Variants in NTNG1 observed in about 807,000 individuals in gnomAD.
NTNG1 encodes the protein netrin G1, also known as netrin-G1.
Under a neutral mutation model 54.0 loss-of-function variants are expected in NTNG1, and 16 were observed. That is an observed-to-expected ratio of 0.30 (90% confidence interval 0.20 to 0.45). The LOEUF (loss-of-function observed/expected upper bound fraction) is 0.45, where lower values mean the gene tolerates loss of function less well. Among genes scored for constraint, NTNG1 ranks in the 20% least tolerant of loss-of-function variants. The pLI is 1.00. For synonymous variants in NTNG1, 255 were observed against 263.1 expected, an observed-to-expected ratio of 0.97 and a Z score of 0.30; for missense variants, 530 against 678.7, an observed-to-expected ratio of 0.78 and a Z score of 2.43.
intron 7 of NTNG1, among the ~76,000 whole-genome samples, chr1:107,455,247 G>A (rs1421673260): frequency 6.6e-6 from 1 of 152,012 alleles, no homozygotes; most frequent in East Asian, 1.9e-4. Flanking sequence ...TATTTTTAGT[G>A]GAGACGGGGT....
intron 7 of NTNG1, among the ~76,000 whole-genome samples, chr1:107,473,049 C>A (rs1678084594): frequency 6.6e-6 from 1 of 152,136 alleles, no homozygotes; most frequent in Admixed American, 6.6e-5. Context: ...TTTGATGTTT[C>A]TTTGAAAAGG....
intron 5 of NTNG1, chr1:107,421,277 T>C: frequency 1.6e-6 from 1 of 629,054 alleles, no homozygotes; most frequent in Middle Eastern, 2.7e-4. Flanking sequence ...TATCAATCAA[T>C]GCATCGAATA....
upstream of NTNG1, chr1:107,140,265 A>T (rs1418191216): frequency 6.5e-6 from 1 of 152,760 alleles, no homozygotes; most frequent in East Asian, 1.9e-4. Context: ...TTTTTAAGTG[A>T]AACGTACATG....
At chr1:107,407,989 A>G (rs1327731815) in intron 5 of NTNG1, 1 of 628,732 alleles carries the variant, frequency 1.6e-6, no homozygotes, top group Non-Finnish European at 3.0e-6. Flanking sequence ...TCCTTAGATA[A>G]TCATCATTCA....
chr1:107,144,702 T>C (rs2100999332), intron 1 of NTNG1, among the ~76,000 whole-genome samples: 1 of 152,208 alleles, frequency 6.6e-6, no homozygotes, highest in East Asian at 1.9e-4. Flanking sequence ...AAAGGCATTT[T>C]ATAGCCCATT....
chr1:107,173,940 C>G (rs961991378), intron 2 of NTNG1, among the ~76,000 whole-genome samples: 1 of 151,904 alleles, frequency 6.6e-6, no homozygotes, highest in African/African-American at 2.4e-5. Context: ...TCAACACTAC[C>G]TTTGAGAGAG....
chr1:107,434,280 A>C (rs1428902399), intron 6 of NTNG1, among the ~76,000 whole-genome samples: 1 of 152,238 alleles, frequency 6.6e-6, no homozygotes, highest in Non-Finnish European at 1.5e-5. Context: ...TATAAAATGC[A>C]GCAGGCTATT....
At chr1:107,177,819 A>C (rs551272733) in intron 2 of NTNG1, among the ~76,000 whole-genome samples, 140 of 152,162 alleles carry the variant, frequency 9.2e-4, no homozygotes, top group South Asian at 1.9e-3. Context: ...ATTTTATGAT[A>C]TTTAGGTGAT....
intron 2 of NTNG1, among the ~76,000 whole-genome samples, chr1:107,308,189 G>A (rs780936814): frequency 3.9e-5 from 6 of 152,158 alleles, no homozygotes; most frequent in East Asian, 1.9e-4. Flanking sequence ...TGCTTTTGTC[G>A]AGATTGTTTT....
chr1:107,402,806 G>A lies in NTNG1; in HGVS notation c.1061-4876G>A, dbSNP rs59542591. Among the ~76,000 whole-genome samples, 1,364 of 152,078 alleles carry A rather than the reference G, an allele frequency of 9.0e-3. 18 individuals carry two copies. Among genetic ancestry groups the A allele is most frequent in the African/African-American group, 0.027 (1,105 of 41,474 alleles). ...TTCTTCAACTTGAAGAAGTTTTTTT[G>A]GAGTTAGAATTCCTGATGGCTGCAG... On this transcript the variant is annotated intron_variant, in intron 4 of 7. Transcript: ENST00000370068.
intron 2 of NTNG1, among the ~76,000 whole-genome samples, chr1:107,215,418 T>C (rs1005756808): frequency 2.0e-5 from 3 of 152,130 alleles, no homozygotes; most frequent in Non-Finnish European, 2.9e-5. Flanking sequence ...TTTTTGTTTG[T>C]CTTGTCAAAG....
Position 107,480,784 on chromosome 1 carries a change from C to G in NTNG1, c.1564C>G (p.Pro522Ala). The change falls in exon 8 of 8, where the codon CCA (proline) becomes GCA (alanine). Residue 522 changes from proline (P) to alanine (A), a missense_variant. Physicochemically the swap from Pro to Ala is conservative, Grantham distance 27. This residue lies in a region of NTNG1 where 212 missense variants were observed against 213.6 expected (regional missense o/e 0.99). Transcript: ENST00000370068. The part of the protein sequence containing the change: ...SGQGAPPHGS[P>A]ALLLLTTLLG... The stretch of plus-strand genomic sequence containing the variant: ...CCAGGGCGCGCCCCCGCACGGCTCC[C>G]CAGCGCTGCTGCTGCTGACCACGCT... 6.3e-7 allele frequency: 1 copy of G among 1,598,202 alleles called. No individual in the cohort carries two copies.
intron 3 of NTNG1, among the ~76,000 whole-genome samples, chr1:107,359,165 G>C (rs1372383888): frequency 6.6e-6 from 1 of 152,122 alleles, no homozygotes; most frequent in Non-Finnish European, 1.5e-5. Flanking sequence ...GACTTCTGTG[G>C]TCACTGATGT....
chr1:107,437,264 T>C (rs1290159340), intron 7 of NTNG1, among the ~76,000 whole-genome samples: 2 of 152,138 alleles, frequency 1.3e-5, no homozygotes, highest in South Asian at 4.1e-4. Context: ...AACCTAAAGG[T>C]AATAAATCTA....
Position 107,455,327 on chromosome 1 carries a change from G to C in NTNG1, c.1390+18528G>C, listed in dbSNP as rs543836066. Among the ~76,000 whole-genome samples the C allele has an allele frequency of 7.9e-5, 12 of 152,324 alleles. No homozygotes were observed. The South Asian group carries it at 8.3e-4, about 11-fold the overall frequency. The stretch of plus-strand genomic sequence containing the variant: ...GATCTTCCCGCCTCAGCCTCCCAAA[G>C]TGCTGGGATTACAGGCGTGAGCCAC... On this transcript the variant is annotated intron_variant, in intron 7 of 7. Coordinates refer to ENST00000370068, the MANE Select transcript of NTNG1 (RefSeq NM_001113226.3).
At chr1:107,431,409 T>G (rs1253197010) in intron 6 of NTNG1, among the ~76,000 whole-genome samples, 1 of 152,170 alleles carries the variant, frequency 6.6e-6, no homozygotes, top group Non-Finnish European at 1.5e-5. Context: ...GACTAGCAAC[T>G]GGAAATGTAA....
At chr1:107,220,663 G>C (rs944317475) in intron 2 of NTNG1, among the ~76,000 whole-genome samples, 12 of 152,224 alleles carry the variant, frequency 7.9e-5, no homozygotes, top group Admixed American at 7.2e-4. Flanking sequence ...TGTCAGGACT[G>C]TGTCTCATAG....
chr1:107,442,237 A>G (rs563296351), intron 7 of NTNG1, among the ~76,000 whole-genome samples: 3 of 152,290 alleles, frequency 2.0e-5, no homozygotes, highest in East Asian at 1.9e-4. Context: ...AAGGGAGCAA[A>G]CACTATTAAA....
At chr1:107,248,327 T>C (rs1662335815) in intron 2 of NTNG1, among the ~76,000 whole-genome samples, 1 of 152,230 alleles carries the variant, frequency 6.6e-6, no homozygotes, top group Non-Finnish European at 1.5e-5. Flanking sequence ...CAGCATCATG[T>C]CACAATGCTA....
Sources: gnomAD v4.1 joint callset for allele counts (sites outside exome capture counted in the v4.1 genomes callset) on GRCh38, gnomAD v4.1.1 for gene constraint, gnomAD v4.1.1 regional missense constraint, MANE v1.5 for transcripts, NCBI Gene and HGNC (gene_info 2026-07-23, HGNC 2026-07-21) for gene names.